The following DHX38 variants were observed in gnomAD, a reference collection of about 807,000 sequenced individuals.
The protein encoded by DHX38 is pre-mRNA-splicing factor ATP-dependent RNA helicase PRP16.
DHX38 carries 100 observed loss-of-function variants against 153.1 expected under a neutral mutation model. The ratio of observed to expected loss-of-function variants is 0.65; its 90% confidence interval spans 0.56 to 0.77. DHX38 has a LOEUF of 0.77. Among genes scored for constraint, DHX38 ranks in the 30% least tolerant of loss-of-function variants. The pLI, the probability that DHX38 is intolerant of heterozygous loss-of-function variation, is 0.00. For missense variants in DHX38, 1,440 were observed against 1,654.0 expected (o/e 0.87, Z 2.24); for synonymous variants, 650 against 631.7 (o/e 1.03, Z -0.43).
chr16:72,104,498 C>T lies in DHX38; in HGVS notation c.2023C>T (p.Arg675Cys). The change falls in exon 15 of 27, where the codon CGC becomes TGC. Residue 675 changes from arginine (R) to cysteine (C), a missense_variant. Coordinates refer to ENST00000268482, the MANE Select transcript of DHX38 (RefSeq NM_014003.4). The surrounding 1 kb of genome is among the most constrained non-coding windows in gnomAD (Gnocchi z 4.5). ...CCTCTTCTCTCAGGTAGTGGCTCGG[C>T]GCTCAGACCTGAAGCTCATCGTCAC... ...FGLLREVVARRSDLKLIVTSA... is the reference protein window; with the variant it reads ...FGLLREVVARCSDLKLIVTSA... The T allele has an allele frequency of 6.8e-6, 11 of 1,613,752 alleles. No individual in the cohort carries two copies. Among genetic ancestry groups the T allele is most frequent in the Non-Finnish European group, 9.3e-6 (11 of 1,180,012 alleles).
At chr16:72,094,510 C>T (rs2041978219) in intron 1 of DHX38, 1 of 152,238 alleles carries the variant, frequency 6.6e-6, no homozygotes, top group South Asian at 2.1e-4. Flanking sequence ...CAGCAATTGG[C>T]TCAGGGACAC....
intron 25 of DHX38, among the ~76,000 whole-genome samples, chr16:72,110,566 A>T (rs551326883): frequency 7.2e-5 from 11 of 152,118 alleles, no homozygotes; most frequent in Non-Finnish European, 1.3e-4. Context: ...GCTTTGGCTT[A>T]CCCCTTTTCG....
chr16:72,105,962 C>T, intron 18 of DHX38, 43 bp from the exon 19 acceptor site: 1 of 1,581,256 alleles, frequency 6.3e-7, no homozygotes. Context: ...TTCCACTTTC[C>T]CCTCACTCTG....
chr16:72,102,550 T>A (rs2042115668), intron 11 of DHX38, among the ~76,000 whole-genome samples: 1 of 152,086 alleles, frequency 6.6e-6, no homozygotes, highest in Admixed American at 6.6e-5. Context: ...AGGTTACTGT[T>A]TAGTGGGGCT....
At position 72,098,746 on chromosome 16, in the gene DHX38, C is replaced by T. The variant is rs200117403; in HGVS notation, c.718C>T (p.Arg240Trp). 9 of 1,614,186 alleles carry T rather than the reference C, an allele frequency of 5.6e-6. No homozygotes were observed. The highest frequency in any genetic ancestry group is 1.1e-5 in the South Asian group (1 of 91,082). Residue 240 changes from arginine to tryptophan, a missense_variant, in exon 5 of 27, where the codon CGG becomes TGG. Coordinates refer to ENST00000268482, the MANE Select transcript of DHX38 (RefSeq NM_014003.4). ...WESPSPTPSY[R>W]DSERSHRLST... ...ATCGCCCTCCCCGACGCCTTCCTATCGGGATTCTGAGCGGAGCCATCGGCT... is the reference window on the plus strand; with the variant it reads ...ATCGCCCTCCCCGACGCCTTCCTATTGGGATTCTGAGCGGAGCCATCGGCT...
At chr16:72,100,953 A>G in intron 9 of DHX38, 133 bp from the exon 10 acceptor site, 2 of 923,034 alleles carry the variant, frequency 2.2e-6, no homozygotes, top group South Asian at 3.1e-5. Flanking sequence ...TGATGTGGAG[A>G]CAGAAAGAAG....
intron 3 of DHX38, 105 bp from the exon 4 acceptor site, chr16:72,097,572 G>C: frequency 9.6e-7 from 1 of 1,040,816 alleles, no homozygotes; most frequent in Non-Finnish European, 1.5e-6. Flanking sequence ...GAGCAGTGCA[G>C]GTTGCACCTG....
chr16:72,110,072 T>C (rs2042237505), intron 25 of DHX38, among the ~76,000 whole-genome samples: 1 of 152,274 alleles, frequency 6.6e-6, no homozygotes, highest in African/African-American at 2.4e-5. Context: ...ATCGATTTGC[T>C]TGAATTAGGA....
Position 72,103,777 on chromosome 16 carries a change from C to T in DHX38, c.1813C>T (p.Leu605Phe), listed in dbSNP as rs147033163. 7.5e-6 allele frequency: 12 copies of T among 1,610,696 alleles called. No individual in the cohort carries two copies. Among genetic ancestry groups the T allele is most frequent in the African/African-American group, 1.3e-5 (1 of 74,846 alleles). ...AGTCAGTGAAGAGATGGGGGGAAAC[C>T]TTGGCGAGGAGGTGAGTGGGCGTGG... ...KRVSEEMGGNLGEEVGYAIRF... is the reference protein window; with the variant it reads ...KRVSEEMGGNFGEEVGYAIRF... The change falls in exon 13 of 27, where the codon CTT becomes TTT. Residue 605 changes from leucine to phenylalanine, a missense_variant. Physicochemically the swap from Leu to Phe is conservative, Grantham distance 22. Around this residue, in one of 6 missense-constraint regions of DHX38, gnomAD observed 241 missense variants for 229.5 expected, o/e 1.05. Transcript: ENST00000268482.
chr16:72,098,553 G>C, intron 4 of DHX38, 92 bp from the exon 5 acceptor site: 1 of 1,509,152 alleles, frequency 6.6e-7, no homozygotes, highest in Admixed American at 2.0e-5. Context: ...AGTAAAAGGA[G>C]TAAATTTGGG....
In DHX38 at chr16:72,104,337, C is replaced by A. The variant is rs1200083426; in HGVS notation, c.2011-149C>A. On this transcript the variant is annotated intron_variant, in intron 14 of 26. Transcript: ENST00000268482. The surrounding 1 kb of genome is among the most constrained non-coding windows in gnomAD (Gnocchi z 4.5). The stretch of plus-strand genomic sequence containing the variant: ...CTTGGGGTTTTCTGGGCAGTGGCTC[C>A]ATTGCTTCAGTCTTCATGATTGGTA... The A allele has an allele frequency of 7.2e-6, 9 of 1,248,852 alleles. No individual in the cohort carries two copies. The highest frequency in any genetic ancestry group is 1.5e-5 in the African/African-American group (1 of 66,172). The allele number at this position is 1,248,852 out of a possible 1,614,324, so 77.4% of individuals were successfully genotyped here. A position where few individuals can be genotyped will look rare whatever the true frequency, so the allele number is the denominator to read the frequency against.
intron 12 of DHX38, among the ~76,000 whole-genome samples, 188 bp from the exon 13 acceptor site, chr16:72,103,414 C>T (rs894535760): frequency 5.9e-5 from 9 of 152,242 alleles, no homozygotes; most frequent in African/African-American, 1.9e-4. Context: ...GTTTAAACCT[C>T]ACCGTATTCC....
intron 7 of DHX38, 30 bp downstream of exon 7, chr16:72,099,310 C>A: frequency 1.9e-6 from 3 of 1,568,820 alleles, no homozygotes; most frequent in South Asian, 2.4e-5. Flanking sequence ...AGGGGCTGAT[C>A]GGGGCTGGTG....
intron 11 of DHX38, 82 bp from the exon 12 acceptor site, chr16:72,102,992 C>G (rs901408249): frequency 2.6e-6 from 4 of 1,563,964 alleles, no homozygotes; most frequent in Admixed American, 1.8e-5. Context: ...CATTCCTGAG[C>G]GTAGGAAGGA....
Position 72,099,800 on chromosome 16 carries a change from C to T in DHX38, c.1029C>T (p.Ser343=), listed in dbSNP as rs1175857681. The T allele has an allele frequency of 5.0e-6, 8 of 1,614,058 alleles. No individual in the cohort carries two copies. In the Admixed American group the frequency reaches 1.3e-4, roughly 27 times the overall value. Residue 343 remains serine, a synonymous_variant, in exon 8 of 27, where the codon TCC becomes TCT. Transcript: ENST00000268482. ...YDEFHNPLAY[S]SEDYVRRREQ... The stretch of plus-strand genomic sequence containing the variant: ...AGTTCCACAACCCGCTGGCCTACTC[C>T]TCCGAGGACTACGTGAGGAGGCGGG...
At chr16:72,099,627 A>G (rs1180032872) in intron 7 of DHX38, 105 bp from the exon 8 acceptor site, 2 of 1,461,336 alleles carry the variant, frequency 1.4e-6, no homozygotes, top group Admixed American at 2.0e-5. Flanking sequence ...GGGTAGCTCC[A>G]CTGCAGTAGT....
intron 21 of DHX38, 134 bp from the exon 22 acceptor site, chr16:72,108,093 A>T: frequency 8.9e-7 from 1 of 1,122,610 alleles, no homozygotes; most frequent in Non-Finnish European, 1.3e-6. Context: ...AATTTTTCTC[A>T]AATTGTCAGG....
chr16:72,097,270 T>C, intron 3 of DHX38: 2 of 418,732 alleles, frequency 4.8e-6, no homozygotes, highest in East Asian at 4.0e-5. Flanking sequence ...AATGGGTAAA[T>C]ATGTATAAGA....
rs757721832 is a variant in DHX38, at chr16:72,107,367, T to C, written c.2628T>C (p.Asn876=). Residue 876 remains asparagine (N), a synonymous_variant, in exon 20 of 27, where the codon AAT becomes AAC. Transcript: ENST00000268482. This position sits in a 1 kb window ranked among gnomAD's most constrained non-coding sequence, Gnocchi z 5.3. ...TCTACACCCAGAGCGCCTACAAGAA[T>C]GAGCTCCTGACCACCACAGTGCCCG... is the stretch of plus-strand genomic sequence containing the variant. ...FRLYTQSAYK[N]ELLTTTVPEI... is the part of the protein sequence containing the mutation. 6.2e-7 allele frequency: 1 copy of C among 1,612,350 alleles called. No individual in the cohort carries two copies. Among genetic ancestry groups the C allele is most frequent in the Admixed American group, 1.7e-5 (1 of 60,014 alleles).
Sources: gnomAD v4.1 joint callset for allele counts (sites outside exome capture counted in the v4.1 genomes callset) on GRCh38, gnomAD v4.1.1 for gene constraint, gnomAD v4.1.1 regional missense constraint, Gnocchi (gnomAD v3.1) non-coding constraint, MANE v1.5 for transcripts, NCBI Gene and HGNC (gene_info 2026-07-23, HGNC 2026-07-21) for gene names.